Variants in ROBO2 observed in about 807,000 individuals in gnomAD.
ROBO2 encodes roundabout guidance receptor 2.
ROBO2 carries 53 observed loss-of-function variants against 160.8 expected under a neutral mutation model. The ratio of observed to expected loss-of-function variants is 0.33; its 90% CI spans 0.26 to 0.41. The LOEUF (loss-of-function observed/expected upper bound fraction) is 0.41. Ranked by LOEUF, ROBO2 falls within the 10% of genes least tolerant of loss-of-function variation. The pLI is 1.00. For synonymous variants in ROBO2, 664 were observed against 611.7 expected, an observed-to-expected ratio of 1.09 and a Z score of -1.26; for missense variants, 1,577 against 1,722.4, an observed-to-expected ratio of 0.92 and a Z score of 1.49.
At chr3:76,722,794 T>G (rs1007088327) in intron 2 of ROBO2, among the ~76,000 whole-genome samples, 1 of 152,236 alleles carries the variant, frequency 6.6e-6, no homozygotes, top group African/African-American at 2.4e-5. Flanking sequence ...AGTACTTCAT[T>G]GCTTTTTGTT....
chr3:75,919,700 G>A (rs1037339893), intron 1 of ROBO2, among the ~76,000 whole-genome samples: 1 of 152,084 alleles, frequency 6.6e-6, no homozygotes, highest in South Asian at 2.1e-4. Flanking sequence ...AGTAATTACT[G>A]ACTCAATTTC....
chr3:76,157,295 T>G (rs1326726713), intron 2 of ROBO2, among the ~76,000 whole-genome samples: 1 of 152,148 alleles, frequency 6.6e-6, no homozygotes, highest in Non-Finnish European at 1.5e-5. Flanking sequence ...TTTTTGTCTA[T>G]AGAGAGCTTT....
chr3:75,908,440 C>A (rs1946439405), intron 1 of ROBO2, among the ~76,000 whole-genome samples: 1 of 103,556 alleles, frequency 9.7e-6, no homozygotes, highest in Admixed American at 1.1e-4. Context: ...AAGTGATATT[C>A]CATTTTGTAG....
chr3:77,145,142 T>C (rs1315488965), intron 2 of ROBO2, among the ~76,000 whole-genome samples: 6 of 152,160 alleles, frequency 3.9e-5, no homozygotes, highest in Admixed American at 6.5e-5. Flanking sequence ...GATAGATACC[T>C]GGAGAGTGAC....
chr3:76,937,019 CATT>C (rs72228137), intron 2 of ROBO2, among the ~76,000 whole-genome samples: 5,033 of 124,998 alleles, frequency 0.04, 259 homozygotes, highest in African/African-American at 0.14. Flanking sequence ...AACTGGTACT[CATT>C]ATTGACCTAC....
At chr3:76,863,693 T>A (rs2071063519) in intron 2 of ROBO2, among the ~76,000 whole-genome samples, 1 of 152,014 alleles carries the variant, frequency 6.6e-6, no homozygotes, top group South Asian at 2.1e-4. Flanking sequence ...AGGAGTAGGT[T>A]CTTAATAAAT....
At chr3:76,943,263 T>C (rs966132560) in intron 2 of ROBO2, among the ~76,000 whole-genome samples, 1 of 152,178 alleles carries the variant, frequency 6.6e-6, no homozygotes, top group Non-Finnish European at 1.5e-5. Flanking sequence ...TTCCCTTCCA[T>C]GAGCCTCTGA....
chr3:76,401,201 G>C (rs2077795133), intron 2 of ROBO2, among the ~76,000 whole-genome samples: 1 of 151,398 alleles, frequency 6.6e-6, no homozygotes, highest in Admixed American at 6.6e-5. Context: ...AGTCAACATT[G>C]CAAGAAAAAA....
intron 2 of ROBO2, among the ~76,000 whole-genome samples, chr3:76,347,848 A>C (rs1289877693): frequency 3.3e-5 from 5 of 152,256 alleles, no homozygotes; most frequent in Admixed American, 2.0e-4. Context: ...CCCAAACATC[A>C]TACTATATAT....
exon 23 of ROBO2, chr3:77,622,249 C>T: frequency 6.2e-7 from 1 of 1,614,072 alleles, no homozygotes; most frequent in Non-Finnish European, 8.5e-7. Flanking sequence ...CAATAATCAA[C>T]CTCCACAGCC....
chr3:76,491,118 C>A (rs560710216), intron 2 of ROBO2, among the ~76,000 whole-genome samples: 8 of 152,030 alleles, frequency 5.3e-5, no homozygotes, highest in African/African-American at 1.7e-4. Context: ...TGTCAGCAGG[C>A]CTGGCTAATT....
At chr3:77,285,987 A>G (rs1382078127) in intron 2 of ROBO2, among the ~76,000 whole-genome samples, 1 of 152,154 alleles carries the variant, frequency 6.6e-6, no homozygotes, top group Non-Finnish European at 1.5e-5. Context: ...TCAAGTCTCT[A>G]TTTTACCCTA....
chr3:76,434,196 G>T (rs2076563335), intron 2 of ROBO2: 1 of 1,109,548 alleles, frequency 9.0e-7, no homozygotes, highest in African/African-American at 1.5e-5. Context: ...AGAGACTGGG[G>T]GAGACGTGCA....
chr3:76,815,736 C>A (rs1006191724), intron 2 of ROBO2, among the ~76,000 whole-genome samples: 2 of 151,986 alleles, frequency 1.3e-5, no homozygotes, highest in East Asian at 3.9e-4. Context: ...CATGCACATA[C>A]CATTTTCCTC....
intron 2 of ROBO2, among the ~76,000 whole-genome samples, chr3:76,259,047 A>G (rs1231515785): frequency 6.6e-6 from 1 of 152,106 alleles, no homozygotes. Context: ...AAGACTGAGT[A>G]TTATTTTTGT....
chr3:77,637,692 T>C (rs1156601924), intron 24 of ROBO2, among the ~76,000 whole-genome samples: 3 of 152,212 alleles, frequency 2.0e-5, no homozygotes. Flanking sequence ...CTGTTGTGAA[T>C]ATTGTGGAGA....
intron 2 of ROBO2, among the ~76,000 whole-genome samples, chr3:77,403,552 TAA>T (rs1409169334): frequency 6.6e-6 from 1 of 151,416 alleles, no homozygotes; most frequent in Non-Finnish European, 1.5e-5. Context: ...CCTTGTTTTT[TAA>T]AGTCTGAATA....
At chr3:77,543,617 T>A (rs2092575732) in intron 6 of ROBO2, among the ~76,000 whole-genome samples, 3 of 152,206 alleles carry the variant, frequency 2.0e-5, no homozygotes, top group Admixed American at 2.0e-4. Flanking sequence ...ATTTTAGTGA[T>A]AGAGATTTGT....
chr3:77,320,189 C>G (rs960706927), intron 2 of ROBO2, among the ~76,000 whole-genome samples: 11 of 152,130 alleles, frequency 7.2e-5, no homozygotes, highest in Non-Finnish European at 1.5e-4. Context: ...TTCTCTTACC[C>G]TCTACCCTCT....
Sources: allele counts gnomAD v4.1 joint callset (sites outside exome capture counted in the v4.1 genomes callset), GRCh38; gene constraint gnomAD v4.1.1; transcripts MANE v1.5; gene names NCBI Gene and HGNC (gene_info 2026-07-23, HGNC 2026-07-21).